The following TRPC5 variants were observed in gnomAD, a reference collection of about 807,000 sequenced individuals.
The protein encoded by TRPC5 is transient receptor potential cation channel subfamily C member 5.
A neutral mutation model predicts 56.5 loss-of-function variants in TRPC5; 9 were observed. The ratio of observed to expected loss-of-function variants is 0.16; its 90% CI spans 0.10 to 0.28. The LOEUF is 0.28. Ranked by LOEUF, TRPC5 falls within the 10% of genes least tolerant of loss-of-function variation. TRPC5 has a pLI of 1.00. For missense variants in TRPC5, 469 were observed against 748.9 expected (o/e 0.63, Z 4.36); for synonymous variants, 282 against 278.5 (o/e 1.01, Z -0.13).
At chrX:111,871,517 C>T (rs766156353) in intron 3 of TRPC5, among the ~76,000 whole-genome samples, 5 of 110,759 alleles carry the variant, frequency 4.5e-5, no homozygotes, top group South Asian at 3.9e-4. Flanking sequence ...GTTTCCTCAT[C>T]GGCAAAATGA....
At chrX:111,983,717 C>T (rs966550916) in intron 1 of TRPC5, among the ~76,000 whole-genome samples, 1 of 111,197 alleles carries the variant, frequency 9.0e-6, no homozygotes, top group African/African-American at 3.3e-5. Context: ...TCACCACTCT[C>T]CTTAAGGGAC....
rs760403828 is a variant in TRPC5, at chrX:112,077,925, T to C, written c.-22+3954A>G. On this transcript the variant is annotated intron_variant, in intron 1 of 10. Transcript: ENST00000262839. ...GTGACTGTATGTGCATGTTTGTGTG[T>C]GTGTGCATGTGTGTGTATTTGCACA... 3.6e-5 allele frequency among the ~76,000 whole-genome samples: 4 copies of C among 111,165 alleles called. No homozygotes were observed. The South Asian group carries it at 1.5e-3, about 42-fold the overall frequency.
intron 3 of TRPC5, among the ~76,000 whole-genome samples, chrX:111,908,280 C>T (rs895064234): frequency 9.9e-5 from 11 of 111,204 alleles, no homozygotes; most frequent in African/African-American, 3.6e-4. Context: ...TGAAGCAATG[C>T]CTTTGGAGTG....
chrX:112,001,025 T>C (rs1252643380), intron 1 of TRPC5, among the ~76,000 whole-genome samples: 1 of 112,468 alleles, frequency 8.9e-6, no homozygotes, highest in Non-Finnish European at 1.9e-5. Context: ...TAGAGAGTAC[T>C]CACTGGCCCA....
intron 1 of TRPC5, among the ~76,000 whole-genome samples, chrX:111,967,221 C>A (rs2148646120): frequency 9.0e-6 from 1 of 111,630 alleles, no homozygotes; most frequent in Admixed American, 9.5e-5. Flanking sequence ...AGTGAACTCC[C>A]ATTCACAATT....
chrX:112,037,028 T>A (rs1929761969), intron 1 of TRPC5, among the ~76,000 whole-genome samples: 1 of 112,242 alleles, frequency 8.9e-6, no homozygotes, highest in African/African-American at 3.2e-5. Context: ...GTCTGGTGAC[T>A]AAATTGCAGT....
chrX:111,817,323 ATTT>A (rs148024546), intron 7 of TRPC5, among the ~76,000 whole-genome samples: 3 of 82,919 alleles, frequency 3.6e-5, no homozygotes, highest in African/African-American at 1.4e-4. Context: ...CTCTTATCTG[ATTT>A]TTTTTTTTTT....
intron 7 of TRPC5, among the ~76,000 whole-genome samples, chrX:111,806,905 C>G (rs1316318834): frequency 1.8e-5 from 2 of 111,398 alleles, no homozygotes; most frequent in Non-Finnish European, 3.8e-5. Flanking sequence ...CTCTCCTGGC[C>G]TGTAAAGTTT....
intron 5 of TRPC5, among the ~76,000 whole-genome samples, chrX:111,851,892 G>A (rs773110394): frequency 9.0e-6 from 1 of 111,619 alleles, no homozygotes; most frequent in Non-Finnish European, 1.9e-5. Context: ...AATATTAGAC[G>A]TATATAAAGT....
At chrX:111,977,154 A>G (rs1440641029) in intron 1 of TRPC5, among the ~76,000 whole-genome samples, 2 of 111,840 alleles carry the variant, frequency 1.8e-5, no homozygotes, top group African/African-American at 6.5e-5. Flanking sequence ...TAATATTTGT[A>G]TGGAACTACA....
intron 7 of TRPC5, among the ~76,000 whole-genome samples, chrX:111,825,221 TC>T (rs1922189025): frequency 1.3e-5 from 1 of 75,449 alleles, no homozygotes; most frequent in Non-Finnish European, 2.5e-5. Context: ...CTTTCTTTCT[TC>T]TTTCTTTCTC....
intron 1 of TRPC5, among the ~76,000 whole-genome samples, chrX:111,987,712 C>G (rs1393355723): frequency 8.9e-6 from 1 of 112,385 alleles, no homozygotes; most frequent in Non-Finnish European, 1.9e-5. Context: ...ATGTACACCA[C>G]AATTTCCTTA....
intron 1 of TRPC5, among the ~76,000 whole-genome samples, chrX:112,044,674 A>G (rs1929977586): frequency 8.9e-6 from 1 of 112,161 alleles, no homozygotes; most frequent in Non-Finnish European, 1.9e-5. Flanking sequence ...ATACCATATC[A>G]TCTCCTTTCA....
chrX:111,883,945 G>A (rs1027744487), intron 3 of TRPC5, among the ~76,000 whole-genome samples: 4 of 112,884 alleles, frequency 3.5e-5, no homozygotes, highest in African/African-American at 1.3e-4. Flanking sequence ...CAGGGCTTCA[G>A]CCTAGTTAAG....
chrX:112,063,303 T>A (rs1317973211), intron 1 of TRPC5, among the ~76,000 whole-genome samples: 2 of 111,985 alleles, frequency 1.8e-5, no homozygotes, highest in Admixed American at 1.9e-4. Flanking sequence ...TCATCTCTCT[T>A]GCTATTTCAT....
At chrX:112,055,151 C>G (rs77874292) in intron 1 of TRPC5, among the ~76,000 whole-genome samples, 1 of 112,181 alleles carries the variant, frequency 8.9e-6, no homozygotes, top group Admixed American at 9.5e-5. Context: ...TAACCTAATC[C>G]TCACAAATGA....
rs777111247 is a variant in TRPC5, at chrX:111,810,909, A to G, written c.1896+24012T>C. Among the ~76,000 whole-genome samples, 5 of 112,421 alleles carry G rather than the reference A, an allele frequency of 4.4e-5. No individual in the cohort carries two copies. In the South Asian group the frequency reaches 1.1e-3, roughly 25 times the overall value. On this transcript the variant is annotated intron_variant, in intron 7 of 10. Transcript: ENST00000262839. Reference sequence around the variant, plus strand: ...TTATTACCTTATGGCAATAGGGAATAAAAAAATTAAATTTCAATTTATGCT... The same window carrying G: ...TTATTACCTTATGGCAATAGGGAATGAAAAAATTAAATTTCAATTTATGCT...
At chrX:112,072,250 A>G (rs1395879761) in intron 1 of TRPC5, among the ~76,000 whole-genome samples, 2 of 111,972 alleles carry the variant, frequency 1.8e-5, no homozygotes, top group African/African-American at 3.2e-5. Context: ...CTTTTGTTAG[A>G]TGAGGATAAA....
chrX:112,063,248 G>A (rs1304326021), intron 1 of TRPC5, among the ~76,000 whole-genome samples: 1 of 111,968 alleles, frequency 8.9e-6, no homozygotes, highest in Non-Finnish European at 1.9e-5. Context: ...CTGGCCTGTA[G>A]GGGTCAACCC....
Sources: allele counts gnomAD v4.1 joint callset (sites outside exome capture counted in the v4.1 genomes callset), GRCh38; gene constraint gnomAD v4.1.1; transcripts MANE v1.5; gene names NCBI Gene and HGNC (gene_info 2026-07-23, HGNC 2026-07-21).